Variants in TBXAS1 observed in about 807,000 individuals in gnomAD.
TBXAS1 encodes the protein thromboxane A synthase 1, also known as thromboxane-A synthase.
Under a neutral mutation model 60.7 loss-of-function variants are expected in TBXAS1, and 48 were observed. The observed-to-expected ratio is 0.79, with a 90% CI of 0.63 to 1.01. The LOEUF (loss-of-function observed/expected upper bound fraction) is 1.01, where lower values mean the gene tolerates loss of function less well. TBXAS1 is among the 50% of genes least tolerant of loss of function. The pLI is 0.00. For missense variants in TBXAS1, 685 were observed against 686.3 expected, an observed-to-expected ratio of 1.00 and a Z score of 0.02; for synonymous variants, 287 against 269.7, an observed-to-expected ratio of 1.06 and a Z score of -0.63.
intron 6 of TBXAS1, 154 bp downstream of exon 6, chr7:139,953,610 GA>G: frequency 1.4e-6 from 1 of 731,642 alleles, no homozygotes; most frequent in Non-Finnish European, 2.3e-6. Flanking sequence ...AAAAAGAAAA[GA>G]AACCCACTTA....
At chr7:139,891,351 C>T (rs1413634885) in intron 3 of TBXAS1, among the ~76,000 whole-genome samples, 1 of 151,840 alleles carries the variant, frequency 6.6e-6, no homozygotes, top group Non-Finnish European at 1.5e-5. Flanking sequence ...CATGTCCCTC[C>T]AATATAGTAT....
intron 3 of TBXAS1, among the ~76,000 whole-genome samples, chr7:139,902,699 A>G (rs1584808680): frequency 6.6e-6 from 1 of 152,162 alleles, no homozygotes; most frequent in African/African-American, 2.4e-5. Context: ...AAGCGGCTTT[A>G]TGGTTTTACC....
At chr7:139,858,302 TG>T (rs1569502565) in intron 1 of TBXAS1, among the ~76,000 whole-genome samples, 1 of 152,186 alleles carries the variant, frequency 6.6e-6, no homozygotes. Context: ...TTTCTGGGGA[TG>T]GGTCCTTCTT....
chr7:139,889,123 A>G (rs1232164288), intron 3 of TBXAS1, among the ~76,000 whole-genome samples: 1 of 151,984 alleles, frequency 6.6e-6, no homozygotes, highest in East Asian at 1.9e-4. Context: ...GCTTGAGCCC[A>G]GGAGTTTGAG....
intron 9 of TBXAS1, among the ~76,000 whole-genome samples, chr7:139,994,844 C>A (rs541312453): frequency 3.9e-5 from 6 of 152,306 alleles, no homozygotes; most frequent in African/African-American, 1.4e-4. Context: ...GTGAGGGAGG[C>A]CTTATTAATA....
At chr7:139,825,993 T>G (rs996528153), upstream of TBXAS1, among the ~76,000 whole-genome samples, 1 of 152,232 alleles carries the variant, frequency 6.6e-6, no homozygotes, top group Non-Finnish European at 1.5e-5. Context: ...GCAATTCTCA[T>G]GTTTATTTCA....
At chr7:139,842,854 C>T (rs1799552501) in intron 1 of TBXAS1, among the ~76,000 whole-genome samples, 1 of 152,198 alleles carries the variant, frequency 6.6e-6, no homozygotes, top group Admixed American at 6.5e-5. Context: ...GCCAGTTCCT[C>T]AACACAATCT....
At chr7:139,984,738 G>A (rs1428394847) in intron 9 of TBXAS1, among the ~76,000 whole-genome samples, 1 of 94,434 alleles carries the variant, frequency 1.1e-5, no homozygotes, top group Non-Finnish European at 2.2e-5. Flanking sequence ...AAGAAAGAAA[G>A]AAGAAAAAGA....
intron 4 of TBXAS1, among the ~76,000 whole-genome samples, chr7:139,920,467 T>C (rs1007240049): frequency 6.6e-6 from 1 of 152,192 alleles, no homozygotes; most frequent in Non-Finnish European, 1.5e-5. Flanking sequence ...ACCACAAATG[T>C]CACCCTTTGA....
chr7:139,853,244 A>T (rs116641657), intron 1 of TBXAS1, among the ~76,000 whole-genome samples: 1 of 151,562 alleles, frequency 6.6e-6, no homozygotes, highest in Non-Finnish European at 1.5e-5. Context: ...GGGGACTCAG[A>T]GCCCTCAACC....
At chr7:139,863,864 C>A (rs554654233) in intron 1 of TBXAS1, among the ~76,000 whole-genome samples, 6 of 152,184 alleles carry the variant, frequency 3.9e-5, no homozygotes, top group Middle Eastern at 3.4e-3. Context: ...AATAGATAAA[C>A]CCATAGCACG....
chr7:139,894,212 C>T (rs1803896128), intron 3 of TBXAS1, among the ~76,000 whole-genome samples: 1 of 152,208 alleles, frequency 6.6e-6, no homozygotes, highest in Admixed American at 6.5e-5. Flanking sequence ...CCACGCACCA[C>T]ACCATTGCTG....
chr7:139,905,706 T>G (rs1805022245), intron 3 of TBXAS1, among the ~76,000 whole-genome samples: 1 of 152,212 alleles, frequency 6.6e-6, no homozygotes, highest in Admixed American at 6.5e-5. Flanking sequence ...AATTCTTCTT[T>G]GAATGTCTGG....
chr7:139,912,591 A>T lies in TBXAS1; in HGVS notation c.333+1270A>T, dbSNP rs1160958881. Among the ~76,000 whole-genome samples the T allele has an allele frequency of 3.3e-5, 5 of 152,084 alleles. 1 individual carries two copies. Among genetic ancestry groups the T allele is most frequent in the Non-Finnish European group, 7.4e-5 (5 of 68,010 alleles). On this transcript the variant is annotated intron_variant, in intron 4 of 12. Coordinates refer to ENST00000448866, the MANE Select transcript of TBXAS1 (RefSeq NM_001061.7). Reference sequence around the variant, plus strand: ...GTAAAGAGACAGTGTCCCTCGAGGAACTCTCGGTTTAGTGAGGGAGGCAGA... The same window carrying T: ...GTAAAGAGACAGTGTCCCTCGAGGATCTCTCGGTTTAGTGAGGGAGGCAGA...
chr7:139,877,403 GT>G (rs1280106649), intron 3 of TBXAS1, among the ~76,000 whole-genome samples: 1 of 151,988 alleles, frequency 6.6e-6, no homozygotes, highest in Non-Finnish European at 1.5e-5. Context: ...ATTGCTTTTT[GT>G]TTTTGTTTTT....
At chr7:139,966,424 G>T (rs1258272234) in intron 9 of TBXAS1, among the ~76,000 whole-genome samples, 1 of 152,216 alleles carries the variant, frequency 6.6e-6, no homozygotes, top group African/African-American at 2.4e-5. Context: ...GGGCAGAGCT[G>T]CCTTCAGGTA....
chr7:139,787,186 A>G (rs781773430), intron 3 of TBXAS1, among the ~76,000 whole-genome samples: 1 of 152,136 alleles, frequency 6.6e-6, no homozygotes, highest in African/African-American at 2.4e-5. Context: ...AATTCTGAGG[A>G]TTTTCGTTTG....
chr7:139,824,829 C>CTTTTCTTTTTTTTTTTT (rs1401847052), upstream of TBXAS1, among the ~76,000 whole-genome samples: 47 of 38,842 alleles, frequency 1.2e-3, 8 homozygotes, highest in East Asian at 3.8e-3. Flanking sequence ...TTTTCCTTTT[C>CTTTTCTTTTTTTTTTTT]TTTTTTTTTT....
intron 1 of TBXAS1, among the ~76,000 whole-genome samples, chr7:139,858,465 GAC>G (rs1431328859): frequency 2.6e-5 from 4 of 152,212 alleles, no homozygotes; most frequent in African/African-American, 9.7e-5. Context: ...AACTGGGACT[GAC>G]AGGTGACAGG....
Sources: gnomAD v4.1 joint callset for allele counts (sites outside exome capture counted in the v4.1 genomes callset) on GRCh38, gnomAD v4.1.1 for gene constraint, MANE v1.5 for transcripts, NCBI Gene and HGNC (gene_info 2026-07-23, HGNC 2026-07-21) for gene names.